Variants in RGS12 observed in about 807,000 individuals in gnomAD.
RGS12 encodes the protein regulator of G-protein signaling 12.
A neutral mutation model predicts 120.1 loss-of-function variants in RGS12; 66 were observed. That is an observed-to-expected ratio of 0.55 (90% CI 0.45 to 0.67). The LOEUF is 0.67. RGS12 is among the 30% of genes least tolerant of loss of function. The pLI, the probability that RGS12 is intolerant of heterozygous loss-of-function variation, is 0.00. For synonymous variants in RGS12, 827 were observed against 804.7 expected (o/e 1.03, Z -0.47); for missense variants, 1,859 against 1,957.7 (o/e 0.95, Z 0.95).
intron 1 of RGS12, among the ~76,000 whole-genome samples, chr4:3,295,489 C>T (rs1337569678): frequency 6.6e-6 from 1 of 151,922 alleles, no homozygotes; most frequent in Non-Finnish European, 1.5e-5. Flanking sequence ...GGTGAAACCC[C>T]GTCTCTACTA....
rs1725133846 is a variant in RGS12 at position 3,439,469 on chromosome 4, G to GGCAGCC, written c.4131_4136dup (p.Ser1378_Arg1379dup). The stretch of plus-strand genomic sequence containing the variant: ...CCTTGTGACAGGAAGTGGGACCCAT[G>GGCAGCC]GCAGCCGAGACCTCCCAGTCAACAG... On this transcript the variant is annotated inframe_insertion, in exon 18 of 18. Coordinates refer to ENST00000336727, the MANE Select transcript of RGS12 (RefSeq NM_001394154.1). The GGCAGCC allele has an allele frequency of 6.2e-7, 1 of 1,612,674 alleles. No homozygotes were observed. The highest frequency in any genetic ancestry group is 8.5e-7 in the Non-Finnish European group (1 of 1,179,904).
chr4:3,307,375 G>A (rs2110371052), intron 1 of RGS12, among the ~76,000 whole-genome samples: 1 of 152,366 alleles, frequency 6.6e-6, no homozygotes. Flanking sequence ...GTGGGATGCT[G>A]TGGGTCTGAA....
intron 10 of RGS12, among the ~76,000 whole-genome samples, chr4:3,421,199 C>G (rs934223297): frequency 2.0e-5 from 3 of 152,152 alleles, no homozygotes; most frequent in Admixed American, 2.0e-4. Flanking sequence ...GGCTGGTGCT[C>G]GTCCTGGCCC....
At chr4:3,288,794 T>C (rs114512620), upstream of RGS12, among the ~76,000 whole-genome samples, 1,606 of 152,330 alleles carry the variant, frequency 0.011, 21 homozygotes, top group South Asian at 0.033. The surrounding 1 kb of genome is among the most constrained non-coding windows in gnomAD (Gnocchi z 5.2). Flanking sequence ...ACATGGAGAC[T>C]GCATGAGGCA....
intron 1 of RGS12, among the ~76,000 whole-genome samples, chr4:3,294,287 G>T (rs1470261196): frequency 6.6e-6 from 1 of 152,264 alleles, no homozygotes; most frequent in Non-Finnish European, 1.5e-5. Flanking sequence ...CAAGGCAGCA[G>T]CCCCACCATT....
chr4:3,293,766 G>A (rs1171260047), intron 1 of RGS12, among the ~76,000 whole-genome samples: 1 of 151,752 alleles, frequency 6.6e-6, no homozygotes, highest in Non-Finnish European at 1.5e-5. Flanking sequence ...TGTAGACAGA[G>A]AGGGGGCCCA....
Position 3,390,640 on chromosome 4 carries a change from G to A in RGS12, c.2020+4203G>A, listed in dbSNP as rs1321412338. On this transcript the variant is annotated intron_variant, in intron 4 of 17. Coordinates refer to ENST00000336727, the MANE Select transcript of RGS12 (RefSeq NM_001394154.1). This position sits in a 1 kb window ranked among gnomAD's most constrained non-coding sequence, Gnocchi z 4.6. Reference sequence around the variant, plus strand: ...TTCACCCAACACGCGGGCCTTTGGAGCTCAGACCTGGCCATGGCGGAAGAT... The same window carrying A: ...TTCACCCAACACGCGGGCCTTTGGAACTCAGACCTGGCCATGGCGGAAGAT... 6.6e-6 allele frequency among the ~76,000 whole-genome samples: 1 copy of A among 152,222 alleles called. No individual in the cohort carries two copies. Among genetic ancestry groups the A allele is most frequent in the Non-Finnish European group, 1.5e-5 (1 of 68,044 alleles).
rs565561064 is a variant in RGS12, at chr4:3,384,808, C to T, written c.1999-1608C>T. On this transcript the variant is annotated intron_variant, in intron 3 of 17. Transcript: ENST00000336727. ...TTTGGGTGCCAGAGGACAGACTCTGCGGGGGAGGAGGATGCGCATAGCTGG... is the reference window on the plus strand; with the variant it reads ...TTTGGGTGCCAGAGGACAGACTCTGTGGGGGAGGAGGATGCGCATAGCTGG... 1.4e-4 allele frequency among the ~76,000 whole-genome samples: 21 copies of T among 152,304 alleles called. No homozygotes were observed. In the South Asian group the frequency reaches 1.9e-3, roughly 14 times the overall value.
intron 3 of RGS12, among the ~76,000 whole-genome samples, chr4:3,346,503 T>A (rs1003336639): frequency 1.3e-5 from 2 of 152,216 alleles, no homozygotes; most frequent in African/African-American, 4.8e-5. Context: ...GGTGAACTCT[T>A]GGTGTGGCCC....
In RGS12 at chr4:3,317,083, TGC is replaced by T; in HGVS notation, c.914_915del (p.Cys305SerfsTer16). 3.1e-6 allele frequency: 5 copies of T among 1,613,730 alleles called. No individual in the cohort carries two copies. Among genetic ancestry groups the T allele is most frequent in the Non-Finnish European group, 4.2e-6 (5 of 1,180,036 alleles). On this transcript the variant is annotated frameshift_variant, in exon 2 of 18. Coordinates refer to ENST00000336727, the MANE Select transcript of RGS12 (RefSeq NM_001394154.1). LOFTEE classifies it high-confidence loss of function. The stretch of plus-strand genomic sequence containing the variant: ...CGAGAAGCTGGCCTTCAGCGCCGTG[TGC>T]CCGGACGACCGGCGATTTTTCGGGT... ...PAEKLAFSAV[C>X]PDDRRFFGLV...
At chr4:3,378,378 TA>T (rs1046407071) in intron 3 of RGS12, 10 of 151,862 alleles carry the variant, frequency 6.6e-5, no homozygotes, top group Non-Finnish European at 1.3e-4. Context: ...GACATGACAC[TA>T]AAAGAACAAG....
At chr4:3,386,477 A>G (rs942780448) in intron 4 of RGS12, 40 bp downstream of exon 4, 1 of 1,564,660 alleles carries the variant, frequency 6.4e-7, no homozygotes, top group South Asian at 1.1e-5. Flanking sequence ...TTTATTTTTC[A>G]TAAAGTTTTC....
At chr4:3,315,315 G>A (rs1157015018) in intron 1 of RGS12, among the ~76,000 whole-genome samples, 3 of 152,210 alleles carry the variant, frequency 2.0e-5, no homozygotes, top group Non-Finnish European at 4.4e-5. Context: ...GGGGTGATCC[G>A]CGGACCACTG....
rs568268914 is a variant in RGS12, at chr4:3,382,803, A to G, written c.1999-3613A>G. Among the ~76,000 whole-genome samples, 5 of 152,074 alleles carry G rather than the reference A, an allele frequency of 3.3e-5. No individual in the cohort carries two copies. In the South Asian group the frequency reaches 1.0e-3, roughly 32 times the overall value. ...CTTTAACTTCACTTACTGTATTTTC[A>G]CTGTCGGACATTCCATATGGTTCTG... On this transcript the variant is annotated intron_variant, in intron 3 of 17. Transcript: ENST00000336727.
Position 3,428,090 on chromosome 4 carries a change from C to T in RGS12, c.3332C>T (p.Ala1111Val), listed in dbSNP as rs748323912. 6.2e-7 allele frequency: 1 copy of T among 1,613,054 alleles called. No homozygotes were observed. The highest frequency in any genetic ancestry group is 1.1e-5 in the South Asian group (1 of 91,070). Residue 1111 changes from alanine (A) to valine (V), a missense_variant and splice_region_variant, in exon 15 of 18, where the codon GCA becomes GTA. Physicochemically the swap from Ala to Val is moderately conservative, Grantham distance 64 (BLOSUM62 0). Coordinates refer to ENST00000336727, the MANE Select transcript of RGS12 (RefSeq NM_001394154.1). Reference protein sequence around the residue: ...LEEKDPSRGKASADKQKGVPV... With the variant: ...LEEKDPSRGKVSADKQKGVPV... ...AGTCATAAAGCTTTCTTATGTTTAGCATCCGCAGATAAACAGAAAGGTGTG... is the reference window on the plus strand; with the variant it reads ...AGTCATAAAGCTTTCTTATGTTTAGTATCCGCAGATAAACAGAAAGGTGTG...
In RGS12 at chr4:3,432,625, G is replaced by C. The variant is rs150254534; in HGVS notation, c.4114+1670G>C. Among the ~76,000 whole-genome samples, 145 of 152,340 alleles carry C rather than the reference G, an allele frequency of 9.5e-4. 1 individual carries two copies. Among genetic ancestry groups the C allele is most frequent in the Admixed American group, 2.8e-3 (43 of 15,306 alleles). Reference sequence around the variant, plus strand: ...GTTTACAGCGCAGGCCCAGCTGAGCGCCCCGGCTGACATCCCTGACTTGTT... The same window carrying C: ...GTTTACAGCGCAGGCCCAGCTGAGCCCCCCGGCTGACATCCCTGACTTGTT... On this transcript the variant is annotated intron_variant, in intron 17 of 17. Transcript: ENST00000336727.
chr4:3,295,660 CAAAAAAA>C (rs35692556), intron 1 of RGS12, among the ~76,000 whole-genome samples: 2 of 58,170 alleles, frequency 3.4e-5, no homozygotes, highest in African/African-American at 6.5e-5. Context: ...AACTCTGTCT[CAAAAAAA>C]AAAAAAAAAA....
chr4:3,381,157 TTACTC>T (rs146693809), intron 3 of RGS12, among the ~76,000 whole-genome samples: 5,141 of 152,276 alleles, frequency 0.034, 258 homozygotes, highest in African/African-American at 0.11. Context: ...GGAGTGACCA[TTACTC>T]TACTTCCCAA....
intron 7 of RGS12, among the ~76,000 whole-genome samples, chr4:3,416,386 T>A (rs1334432146): frequency 2.6e-5 from 4 of 152,220 alleles, no homozygotes; most frequent in Non-Finnish European, 4.4e-5. Flanking sequence ...TGGCTCATGT[T>A]TCGATCCTGT....
Sources: gnomAD v4.1 joint callset for allele counts (sites outside exome capture counted in the v4.1 genomes callset) on GRCh38, gnomAD v4.1.1 for gene constraint, Gnocchi (gnomAD v3.1) non-coding constraint, MANE v1.5 for transcripts, NCBI Gene and HGNC (gene_info 2026-07-23, HGNC 2026-07-21) for gene names.